Variants in NOS1AP observed in about 807,000 individuals in gnomAD.
NOS1AP encodes nitric oxide synthase 1 adaptor protein, also known as carboxyl-terminal PDZ ligand of neuronal nitric oxide synthase protein.
Under a neutral mutation model 56.2 loss-of-function variants are expected in NOS1AP, and 21 were observed. That is an observed-to-expected ratio of 0.37 (90% confidence interval 0.26 to 0.54). The LOEUF (loss-of-function observed/expected upper bound fraction) is 0.54, where lower values mean the gene tolerates loss of function less well. NOS1AP is among the 20% of genes least tolerant of loss of function. The pLI is 0.84. For missense variants in NOS1AP, 522 were observed against 657.8 expected, an observed-to-expected ratio of 0.79 and a Z score of 2.26; for synonymous variants, 270 against 274.6, an observed-to-expected ratio of 0.98 and a Z score of 0.17.
In NOS1AP at chr1:162,072,033, C is replaced by G. The variant is rs142327266; in HGVS notation, c.105+1751C>G. ...TATGATTGCACCACTGCACTCCACC[C>G]TGGGTGACAGAATGAGACCCTGTCT... On this transcript the variant is annotated intron_variant, in intron 1 of 9. Coordinates refer to ENST00000361897, the MANE Select transcript of NOS1AP (RefSeq NM_014697.3). Among the ~76,000 whole-genome samples the G allele has an allele frequency of 1.7e-3, 254 of 151,678 alleles. 2 individuals are homozygous for G. The highest frequency in any genetic ancestry group is 6.0e-3 in the African/African-American group (248 of 41,256).
rs2101795687 is a variant in NOS1AP at position 162,333,017 on chromosome 1, G to A, written c.345G>A (p.Arg115=). The A allele has an allele frequency of 6.2e-7, 1 of 1,609,368 alleles. No homozygotes were observed. Among genetic ancestry groups the A allele is most frequent in the East Asian group, 2.2e-5 (1 of 44,854 alleles). The part of the protein sequence containing the change: ...KMLVMQDPIY[R]IFYVSHDSQD... ...CATTTTTCTGTTGTTCTTCCTTTAG[G>A]ATCTTCTATGTCTCTCATGATTCCC... Residue 115 remains arginine, a splice_region_variant and synonymous_variant, in exon 5 of 10, where the codon AGG becomes AGA. Transcript: ENST00000361897.
chr1:162,082,142 T>A (rs1441605906), intron 1 of NOS1AP, among the ~76,000 whole-genome samples: 1 of 152,050 alleles, frequency 6.6e-6, no homozygotes, highest in African/African-American at 2.4e-5. Context: ...TATGTGTCCA[T>A]GTGTTCTCAT....
intron 2 of NOS1AP, among the ~76,000 whole-genome samples, chr1:162,250,909 G>T (rs542835334): frequency 6.6e-6 from 1 of 152,044 alleles, no homozygotes. Flanking sequence ...CTGCCTTGAC[G>T]TCCCAAGCAT....
At chr1:162,165,009 G>C (rs1259368683) in intron 2 of NOS1AP, among the ~76,000 whole-genome samples, 19 of 152,144 alleles carry the variant, frequency 1.2e-4, no homozygotes, top group African/African-American at 3.9e-4. Flanking sequence ...TTATTTTACA[G>C]GTAAGGGTCA....
At chr1:162,154,579 T>A (rs1466578910) in intron 2 of NOS1AP, 103 bp downstream of exon 2, 2 of 986,998 alleles carry the variant, frequency 2.0e-6, no homozygotes, top group Non-Finnish European at 3.2e-6. Flanking sequence ...GCTACACCCC[T>A]TGCAAACCCA....
intron 3 of NOS1AP, among the ~76,000 whole-genome samples, chr1:162,292,682 CTAAT>C (rs1655319225): frequency 6.6e-6 from 1 of 152,164 alleles, no homozygotes; most frequent in East Asian, 1.9e-4. Context: ...TAGGAAATGC[CTAAT>C]TAATTAAGCC....
In NOS1AP at chr1:162,359,024, T is replaced by C. The variant is rs1477746001; in HGVS notation, c.939+1888T>C. ...GAGTAGTTTTCTGGTATAGAATCAA[T>C]TGTCAGTCTCCATGGGAAATCCTGC... On this transcript the variant is annotated intron_variant, in intron 8 of 9. Coordinates refer to ENST00000361897, the MANE Select transcript of NOS1AP (RefSeq NM_014697.3). Among the ~76,000 whole-genome samples the C allele has an allele frequency of 4.6e-5, 7 of 152,164 alleles. No homozygotes were observed. The East Asian group carries it at 1.3e-3, about 29-fold the overall frequency.
chr1:162,339,020 G>A (rs1657023374), intron 5 of NOS1AP, among the ~76,000 whole-genome samples: 1 of 152,222 alleles, frequency 6.6e-6, no homozygotes, highest in Non-Finnish European at 1.5e-5. Flanking sequence ...GGTTGTGGGA[G>A]AAGGAGCTGT....
At chr1:162,072,356 C>T (rs1270334664) in intron 1 of NOS1AP, among the ~76,000 whole-genome samples, 8 of 152,140 alleles carry the variant, frequency 5.3e-5, no homozygotes, top group Admixed American at 4.6e-4. Flanking sequence ...TGAGGGTTGC[C>T]TCCAATTTGC....
At chr1:162,364,345 C>T in intron 8 of NOS1AP, 1 of 985,476 alleles carries the variant, frequency 1.0e-6, no homozygotes, top group Non-Finnish European at 1.2e-6. Context: ...AGTTCCCTTT[C>T]TTCAGGGGCC....
intron 3 of NOS1AP, among the ~76,000 whole-genome samples, chr1:162,297,679 G>A (rs898127087): frequency 3.3e-5 from 5 of 152,128 alleles, no homozygotes; most frequent in Non-Finnish European, 5.9e-5. Flanking sequence ...TCTCTCAAGA[G>A]GTGGAGCCGA....
intron 2 of NOS1AP, among the ~76,000 whole-genome samples, chr1:162,163,674 A>T (rs1001842449): frequency 6.6e-6 from 1 of 152,026 alleles, no homozygotes; most frequent in Non-Finnish European, 1.5e-5. Flanking sequence ...GCCCCAGGTC[A>T]CCATTCCTGG....
At chr1:162,291,279 C>T (rs1015327745) in intron 3 of NOS1AP, among the ~76,000 whole-genome samples, 4 of 152,172 alleles carry the variant, frequency 2.6e-5, no homozygotes, top group Non-Finnish European at 2.9e-5. Context: ...CTTTGTAAGC[C>T]CAGCACTTGC....
At chr1:162,261,627 A>G (rs1165254961) in intron 2 of NOS1AP, among the ~76,000 whole-genome samples, 1 of 152,042 alleles carries the variant, frequency 6.6e-6, no homozygotes, top group East Asian at 1.9e-4. Context: ...GCCAGAAGTC[A>G]AGGAATGCAG....
intron 7 of NOS1AP, among the ~76,000 whole-genome samples, chr1:162,355,677 C>A (rs1657680122): frequency 1.0e-5 from 1 of 99,152 alleles, no homozygotes; most frequent in Non-Finnish European, 2.4e-5. Context: ...AAGGCTCACT[C>A]TGGCACACAC....
chr1:162,194,224 C>T (rs1651730137), intron 2 of NOS1AP, among the ~76,000 whole-genome samples: 1 of 152,148 alleles, frequency 6.6e-6, no homozygotes, highest in African/African-American at 2.4e-5. Flanking sequence ...CTCTTCTCTT[C>T]ATCTCTCTGA....
intron 4 of NOS1AP, among the ~76,000 whole-genome samples, chr1:162,303,710 G>T (rs1655732200): frequency 6.6e-6 from 1 of 152,124 alleles, no homozygotes; most frequent in Non-Finnish European, 1.5e-5. Flanking sequence ...CCATAGTGCT[G>T]GGATTATAGA....
At chr1:162,103,782 G>A (rs1420791686) in intron 1 of NOS1AP, among the ~76,000 whole-genome samples, 2 of 151,966 alleles carry the variant, frequency 1.3e-5, no homozygotes. Context: ...CATTTGCTTG[G>A]TAAATTTTCC....
intron 4 of NOS1AP, among the ~76,000 whole-genome samples, chr1:162,305,889 T>G (rs997838790): frequency 6.6e-6 from 1 of 152,244 alleles, no homozygotes; most frequent in African/African-American, 2.4e-5. Flanking sequence ...TTCTATAGGT[T>G]TCTTTGTTTT....
Sources: gnomAD v4.1 joint callset for allele counts (sites outside exome capture counted in the v4.1 genomes callset) on GRCh38, gnomAD v4.1.1 for gene constraint, MANE v1.5 for transcripts, NCBI Gene and HGNC (gene_info 2026-07-23, HGNC 2026-07-21) for gene names.